Variants in FTCD observed in about 807,000 individuals in gnomAD.
FTCD encodes formimidoyltransferase cyclodeaminase, also known as formimidoyltransferase-cyclodeaminase.
A neutral mutation model predicts 62.9 loss-of-function variants in FTCD; 76 were observed. The observed-to-expected ratio is 1.21, with a 90% CI of 1.00 to 1.46. The LOEUF (loss-of-function observed/expected upper bound fraction) is 1.46, where lower values mean the gene tolerates loss of function less well. FTCD is among the 40% of genes most tolerant of loss of function. The probability of loss-of-function intolerance (pLI) is 0.00; values close to 1 mark genes in which losing one functional copy is unlikely to be tolerated. For synonymous variants in FTCD, 397 were observed against 336.9 expected, an observed-to-expected ratio of 1.18 and a Z score of -1.95; for missense variants, 845 against 751.3, an observed-to-expected ratio of 1.12 and a Z score of -1.46.
In FTCD at chr21:46,145,515, C is replaced by A; in HGVS notation, c.1162G>T (p.Asp388Tyr). ...GGGATCAGGCGCCGCATCGTCGTGT[C>A]CAGGGACTGGAATTGGCGCCGCCCG... ...TYGRRQFQSLDTTMRRLIPPF... is the reference protein window; with the variant it reads ...TYGRRQFQSLYTTMRRLIPPF... The change falls in exon 10 of 14, where the codon GAC (aspartate) becomes TAC (tyrosine). Residue 388 changes from aspartate (D) to tyrosine (Y), a missense_variant. Physicochemically the swap from Asp to Tyr is radical, Grantham distance 160 (BLOSUM62 -3). Coordinates refer to ENST00000397746, the MANE Select transcript of FTCD (RefSeq NM_206965.2). The A allele has an allele frequency of 6.5e-7, 1 of 1,550,122 alleles. No homozygotes were observed. Among genetic ancestry groups the A allele is most frequent in the Non-Finnish European group, 8.7e-7 (1 of 1,147,146 alleles).
intron 10 of FTCD, chr21:46,142,585 T>A (rs1424816823): frequency 6.6e-6 from 1 of 152,290 alleles, no homozygotes; most frequent in Non-Finnish European, 1.5e-5. Context: ...CTACACACCT[T>A]GGCAGTGAGT....
At chr21:46,149,376 C>T (rs2079215160) in intron 7 of FTCD, among the ~76,000 whole-genome samples, 1 of 152,054 alleles carries the variant, frequency 6.6e-6, no homozygotes, top group Non-Finnish European at 1.5e-5. Context: ...ACTGGGTCAG[C>T]GATCTAATAG....
intron 1 of FTCD, among the ~76,000 whole-genome samples, chr21:46,154,593 C>A (rs112195250): frequency 6.6e-6 from 1 of 152,240 alleles, no homozygotes; most frequent in Non-Finnish European, 1.5e-5. Flanking sequence ...GAGAGACTCA[C>A]GGGCTCTGCT....
intron 8 of FTCD, 134 bp downstream of exon 8, chr21:46,146,132 A>T (rs374068187): frequency 2.6e-6 from 2 of 771,352 alleles, no homozygotes. Flanking sequence ...GGCTTGGCGC[A>T]GGCCGAGTAG....
rs1169761591 is a variant in FTCD, at chr21:46,137,326, G to C, written c.1452C>G (p.Ala484=). 5.6e-6 allele frequency: 9 copies of C among 1,612,994 alleles called. No individual in the cohort carries two copies. Among genetic ancestry groups the C allele is most frequent in the Non-Finnish European group, 7.6e-6 (9 of 1,179,510 alleles). Reference sequence around the variant, plus strand: ...CAAACACGCCCATCTCCAGGGCTTTGGCCGCCACCTGCAAGGACCCCAGGG... The same window carrying C: ...CAAACACGCCCATCTCCAGGGCTTTCGCCGCCACCTGCAAGGACCCCAGGG... The part of the protein sequence containing the change: ...LACRSDLQVA[A]KALEMGVFGA... The change falls in exon 13 of 14, where the codon GCC becomes GCG. Residue 484 remains alanine (A), a synonymous_variant. Transcript: ENST00000397746.
chr21:46,136,562 C>T (rs1158851543), downstream of FTCD: 5 of 1,585,624 alleles, frequency 3.2e-6, no homozygotes, highest in African/African-American at 4.0e-5. Flanking sequence ...GGGACCTGCA[C>T]TGAACCCCAG....
chr21:46,142,209 G>A (rs989837961), intron 10 of FTCD: 1 of 152,384 alleles, frequency 6.6e-6, no homozygotes, highest in African/African-American at 2.4e-5. Flanking sequence ...TACGTCCGGA[G>A]TTTCTTCCTT....
At position 46,145,480 on chromosome 21, in the gene FTCD, G is replaced by A. The variant is rs1414138866; in HGVS notation, c.1197C>T (p.Arg399=). ...GCGTGGTTAGCTTGGCCGAAGCCTC[G>A]CGGAAGGGCGGGATCAGGCGCCGCA... ...TTMRRLIPPF[R]EASAKLTTLV... Residue 399 remains arginine (R), a synonymous_variant, in exon 10 of 14, where the codon CGC becomes CGT. Coordinates refer to ENST00000397746, the MANE Select transcript of FTCD (RefSeq NM_206965.2). 5 of 1,557,418 alleles carry A rather than the reference G, an allele frequency of 3.2e-6. No individual in the cohort carries two copies. The highest frequency in any genetic ancestry group is 2.4e-5 in the East Asian group (1 of 41,270).
Position 46,146,312 on chromosome 21 carries a change from C to T in FTCD, c.922G>A (p.Gly308Ser), listed in dbSNP as rs777087998. 3 of 1,603,296 alleles carry T rather than the reference C, an allele frequency of 1.9e-6. No homozygotes were observed. The highest frequency in any genetic ancestry group is 1.7e-6 in the Non-Finnish European group (2 of 1,174,988). The part of the protein sequence containing the change: ...QRIRLVVSRL[G>S]LDSLCPFSPK... ...CTGAAGGGGCACAGGGAGTCCAGGC[C>T]CAGCCGGCTCACCACCTGGAAAAGG... The change falls in exon 8 of 14, where the codon GGC becomes AGC. Residue 308 changes from glycine (G) to serine (S), a missense_variant. Coordinates refer to ENST00000397746, the MANE Select transcript of FTCD (RefSeq NM_206965.2).
At position 46,150,156 on chromosome 21, in the gene FTCD, TTC is replaced by T; in HGVS notation, c.867_868del (p.Asn290ProfsTer28). ...CTGCTCCTCCTCCAGGATGAAGAGG[TTC>T]TCCTTCTCGCAGTAGAAGGCGGCCG... is the stretch of plus-strand genomic sequence containing the variant. On this transcript the variant is annotated frameshift_variant, in exon 7 of 14. Coordinates refer to ENST00000397746, the MANE Select transcript of FTCD (RefSeq NM_206965.2). LOFTEE classifies it high-confidence loss of function. 1.3e-6 allele frequency: 2 copies of T among 1,598,740 alleles called. No individual in the cohort carries two copies. The highest frequency in any genetic ancestry group is 2.3e-5 in the East Asian group (1 of 43,962).
intron 5 of FTCD, among the ~76,000 whole-genome samples, chr21:46,151,019 G>T (rs1568980316): frequency 6.6e-6 from 1 of 152,230 alleles, no homozygotes; most frequent in African/African-American, 2.4e-5. Flanking sequence ...CGGGAAGCCG[G>T]GTCCCAGGAC....
Position 46,154,202 on chromosome 21 carries a change from G to A in FTCD, c.185C>T (p.Ala62Val), listed in dbSNP as rs1568987124. The A allele has an allele frequency of 6.2e-7, 1 of 1,612,854 alleles. No individual in the cohort carries two copies. The highest frequency in any genetic ancestry group is 1.3e-5 in the African/African-American group (1 of 75,070). Residue 62 changes from alanine (A) to valine (V), a missense_variant, in exon 2 of 14, where the codon GCC becomes GTC. Coordinates refer to ENST00000397746, the MANE Select transcript of FTCD (RefSeq NM_206965.2). ...VGPPECVVEGALNAARVASRL... is the reference protein window; with the variant it reads ...VGPPECVVEGVLNAARVASRL... The stretch of plus-strand genomic sequence containing the variant: ...GGAAGCTACCCGGGCAGCGTTGAGG[G>A]CCCCCTCCACCACGCACTCCGGCGG...
chr21:46,137,353 G>C lies in FTCD; in HGVS notation c.1444-19C>G, dbSNP rs757674235. 90 of 1,581,074 alleles carry C rather than the reference G, an allele frequency of 5.7e-5. No homozygotes were observed. Among genetic ancestry groups the C allele is most frequent in the Non-Finnish European group, 7.1e-5 (82 of 1,151,454 alleles). ...CCGCCACCTGCAAGGACCCCAGGGA[G>C]CCCCTACATGGATCAAGGCTGAGCA... On this transcript the variant is annotated intron_variant, in intron 12 of 13. Transcript: ENST00000397746.
intron 10 of FTCD, among the ~76,000 whole-genome samples, chr21:46,143,360 C>A (rs1661997074): frequency 6.6e-6 from 1 of 151,338 alleles, no homozygotes; most frequent in Non-Finnish European, 1.5e-5. Flanking sequence ...CCCTCTCTCC[C>A]TACCCCCCCT....
At position 46,138,621 on chromosome 21, in the gene FTCD, G is replaced by C. The variant is rs2078924316; in HGVS notation, c.1330C>G (p.Leu444Val). Residue 444 changes from leucine (L) to valine (V), a missense_variant, in exon 12 of 14, where the codon CTG becomes GTG. By Grantham distance (32) the Leu-to-Val change is conservative. Transcript: ENST00000397746. Reference protein sequence around the residue: ...DRRTAALQEGLRRAVSVPLTL... With the variant: ...DRRTAALQEGVRRAVSVPLTL... The stretch of plus-strand genomic sequence containing the variant: ...AGCGGCACAGAGACTGCCCGCCTCA[G>C]ACCCTCCTGTAGGGCCGCCGTGCGC... 2.5e-6 allele frequency: 4 copies of C among 1,594,292 alleles called. No individual in the cohort carries two copies. The highest frequency in any genetic ancestry group is 3.4e-6 in the Non-Finnish European group (4 of 1,177,390).
rs775067212 is a variant in FTCD at position 46,154,324 on chromosome 21, G to A, written c.63C>T (p.Asp21=). The part of the protein sequence containing the change: ...FSEGKNQEVI[D]AISGAITQTP... ...TCTGTGTGATGGCTCCAGAGATGGCGTCGATCACCTGGGACACAGGCCCGG... is the reference window on the plus strand; with the variant it reads ...TCTGTGTGATGGCTCCAGAGATGGCATCGATCACCTGGGACACAGGCCCGG... The change falls in exon 2 of 14, where the codon GAC becomes GAT. Residue 21 remains aspartate (D), a synonymous_variant. Coordinates refer to ENST00000397746, the MANE Select transcript of FTCD (RefSeq NM_206965.2). 5.8e-5 allele frequency: 94 copies of A among 1,610,010 alleles called. 2 individuals are homozygous for A. The highest frequency in any genetic ancestry group is 8.4e-5 in the Admixed American group (5 of 59,840).
At position 46,146,532 on chromosome 21, in the gene FTCD, C is replaced by T. The variant is rs1416100945; in HGVS notation, c.907-205G>A. 6.6e-6 allele frequency: 4 copies of T among 603,400 alleles called. No homozygotes were observed. The East Asian group carries it at 1.1e-4, about 17-fold the overall frequency. 37.4% of individuals were successfully genotyped at this position (603,400 alleles called of 1,614,324 possible). On this transcript the variant is annotated intron_variant, in intron 7 of 13. Transcript: ENST00000397746. ...TGTGGGCCCCGCCCCAGCAGGCACC[C>T]CGTACAGGCTTCTGGAAACAGCCAT...
At chr21:46,150,910 G>A (rs1163734022) in intron 5 of FTCD, among the ~76,000 whole-genome samples, 2 of 152,238 alleles carry the variant, frequency 1.3e-5, no homozygotes, top group Non-Finnish European at 1.5e-5. Context: ...CACTTGTCGG[G>A]GTGACTGAGT....
intron 7 of FTCD, among the ~76,000 whole-genome samples, chr21:46,147,699 G>C (rs2079179771): frequency 6.6e-6 from 1 of 152,092 alleles, no homozygotes; most frequent in South Asian, 2.1e-4. Context: ...AGTGCTTTGG[G>C]AGGCTGAGGC....
Sources: gnomAD v4.1 joint callset for allele counts (sites outside exome capture counted in the v4.1 genomes callset) on GRCh38, gnomAD v4.1.1 for gene constraint, MANE v1.5 for transcripts, NCBI Gene and HGNC (gene_info 2026-07-23, HGNC 2026-07-21) for gene names.